The following GRIA2 variants were observed in gnomAD, a reference collection of about 807,000 sequenced individuals.
The protein encoded by GRIA2 is glutamate receptor 2.
GRIA2 carries 14 observed loss-of-function variants against 97.3 expected under a neutral mutation model. The observed-to-expected ratio is 0.14, with a 90% CI of 0.10 to 0.23. The LOEUF (loss-of-function observed/expected upper bound fraction) is 0.23. Ranked by LOEUF, GRIA2 falls within the 10% of genes least tolerant of loss-of-function variation. GRIA2 has a pLI of 1.00. For missense variants in GRIA2, 558 were observed against 1,069.8 expected (o/e 0.52, Z 6.67); for synonymous variants, 412 against 387.8 (o/e 1.06, Z -0.73).
chr4:157,336,778 A>G (rs200904298), intron 11 of GRIA2, 31 bp downstream of exon 11: 5 of 1,587,472 alleles, frequency 3.1e-6, no homozygotes, highest in Non-Finnish European at 4.3e-6. Context: ...AACTTTGTGC[A>G]TTTCAGGTCT....
chr4:157,327,437 C>A (rs1245563883), intron 6 of GRIA2, among the ~76,000 whole-genome samples: 1 of 152,012 alleles, frequency 6.6e-6, no homozygotes, highest in South Asian at 2.1e-4. Context: ...TCTGACCTGA[C>A]CCATCATAGC....
At chr4:157,325,671 G>A (rs777169274) in intron 6 of GRIA2, among the ~76,000 whole-genome samples, 7 of 152,122 alleles carry the variant, frequency 4.6e-5, no homozygotes, top group Non-Finnish European at 8.8e-5. Flanking sequence ...TCTTATCCCA[G>A]TTGATGGCAA....
chr4:157,297,880 T>C (rs1039481456), intron 2 of GRIA2, among the ~76,000 whole-genome samples: 7 of 151,982 alleles, frequency 4.6e-5, no homozygotes, highest in Non-Finnish European at 1.0e-4. Context: ...TACAAAATAA[T>C]CATGAAAATA....
intron 12 of GRIA2, among the ~76,000 whole-genome samples, chr4:157,346,953 G>A (rs1432573965): frequency 6.6e-6 from 1 of 152,030 alleles, no homozygotes; most frequent in African/African-American, 2.4e-5. Context: ...AATTGAAAAA[G>A]CATCCTAAAT....
intron 2 of GRIA2, among the ~76,000 whole-genome samples, chr4:157,299,621 A>C (rs1390627348): frequency 6.6e-6 from 1 of 152,146 alleles, no homozygotes; most frequent in African/African-American, 2.4e-5. Flanking sequence ...TAAGAGAAAA[A>C]GATGTGTTGG....
At chr4:157,282,259 G>A (rs1253396869) in intron 2 of GRIA2, among the ~76,000 whole-genome samples, 2 of 152,092 alleles carry the variant, frequency 1.3e-5, no homozygotes, top group Admixed American at 6.6e-5. Flanking sequence ...AGCCAATGCA[G>A]AAGGCAAGTA....
chr4:157,342,673 T>C (rs529577265), intron 12 of GRIA2, among the ~76,000 whole-genome samples: 1 of 152,240 alleles, frequency 6.6e-6, no homozygotes, highest in African/African-American at 2.4e-5. Context: ...AAAGCATTTT[T>C]AATATTTGTA....
intron 6 of GRIA2, among the ~76,000 whole-genome samples, chr4:157,324,776 T>C (rs1212191368): frequency 6.6e-6 from 1 of 152,150 alleles, no homozygotes; most frequent in Admixed American, 6.5e-5. Flanking sequence ...GCTTTCATAA[T>C]TATTTTTGCT....
chr4:157,315,464 C>T (rs1734270665), intron 4 of GRIA2, among the ~76,000 whole-genome samples: 2 of 150,174 alleles, frequency 1.3e-5, no homozygotes, highest in African/African-American at 2.4e-5. Flanking sequence ...CTTATTGCAA[C>T]AGTAGCTTGA....
At chr4:157,264,697 T>C (rs994381996) in intron 2 of GRIA2, among the ~76,000 whole-genome samples, 3 of 152,032 alleles carry the variant, frequency 2.0e-5, no homozygotes, top group Non-Finnish European at 4.4e-5. Flanking sequence ...AATAAGAAGA[T>C]GGAAAAGTAA....
In GRIA2 at chr4:157,309,601, C is replaced by T. The variant is rs1039963891; in HGVS notation, c.470-3078C>T. ...TCCTGATCTCAAGTGATCTGCCCAC[C>T]GCACCTGGCGCAAGTTAGGCATTTC... On this transcript the variant is annotated intron_variant, in intron 3 of 15. Coordinates refer to ENST00000264426, the MANE Select transcript of GRIA2 (RefSeq NM_001083619.3). Among the ~76,000 whole-genome samples, 4 of 152,124 alleles carry T rather than the reference C, an allele frequency of 2.6e-5. No individual in the cohort carries two copies. In the South Asian group the frequency reaches 6.2e-4, roughly 24 times the overall value.
At chr4:157,314,374 A>T (rs1306994890) in intron 4 of GRIA2, among the ~76,000 whole-genome samples, 1 of 152,246 alleles carries the variant, frequency 6.6e-6, no homozygotes, top group East Asian at 1.9e-4. Context: ...TTCATGGAAT[A>T]TTGAATAACT....
At chr4:157,259,772 A>T (rs1731444306) in intron 2 of GRIA2, among the ~76,000 whole-genome samples, 1 of 152,104 alleles carries the variant, frequency 6.6e-6, no homozygotes, top group African/African-American at 2.4e-5. Context: ...TCCAATTGTC[A>T]CTTAGACTTG....
At chr4:157,244,958 C>A (rs1010738695) in intron 2 of GRIA2, among the ~76,000 whole-genome samples, 1 of 151,886 alleles carries the variant, frequency 6.6e-6, no homozygotes. Context: ...ATTTGCTCAT[C>A]TTCTGATTGT....
intron 12 of GRIA2, among the ~76,000 whole-genome samples, chr4:157,352,071 G>A (rs565082347): frequency 7.9e-4 from 121 of 152,222 alleles, no homozygotes; most frequent in African/African-American, 2.8e-3. Context: ...AAAATGCTGC[G>A]ACAGCCTCTA....
At chr4:157,363,140 G>T (rs1736710849) in intron 15 of GRIA2, 93 bp downstream of exon 15, 1 of 1,272,054 alleles carries the variant, frequency 7.9e-7, no homozygotes, top group Non-Finnish European at 1.1e-6. Context: ...GTGGCCAATG[G>T]ATCATCCTGT....
Position 157,221,018 on chromosome 4 carries a change from T to G in GRIA2, c.-25T>G. 8.4e-7 allele frequency: 1 copy of G among 1,193,608 alleles called. No homozygotes were observed. Among genetic ancestry groups the G allele is most frequent in the Non-Finnish European group, 1.3e-6 (1 of 796,092 alleles). The allele number at this position is 1,193,608 out of a possible 1,614,324, so 73.9% of individuals were successfully genotyped here. A position where few individuals can be genotyped will look rare whatever the true frequency, so the allele number is the denominator to read the frequency against. Reference sequence around the variant, plus strand: ...GAAAAGGAAAAAAAAAGGGGTATATTGTGGATGCTCTACTTTTCTTGGAAA... The same window carrying G: ...GAAAAGGAAAAAAAAAGGGGTATATGGTGGATGCTCTACTTTTCTTGGAAA... On this transcript the variant is annotated 5_prime_UTR_variant, in exon 1 of 16. The change creates a new upstream start codon in the 5' untranslated region. Transcript: ENST00000264426.
intron 2 of GRIA2, among the ~76,000 whole-genome samples, chr4:157,229,180 T>G (rs1050038499): frequency 6.6e-6 from 1 of 152,234 alleles, no homozygotes; most frequent in African/African-American, 2.4e-5. Context: ...CTATTTGCAT[T>G]AATTTGTGCA....
intron 2 of GRIA2, among the ~76,000 whole-genome samples, chr4:157,241,802 C>T (rs1730523757): frequency 6.6e-6 from 1 of 151,866 alleles, no homozygotes; most frequent in Non-Finnish European, 1.5e-5. Flanking sequence ...TTTTGAAAAC[C>T]ATAGAGCATC....
Sources: allele counts gnomAD v4.1 joint callset (sites outside exome capture counted in the v4.1 genomes callset), GRCh38; gene constraint gnomAD v4.1.1; transcripts MANE v1.5; gene names NCBI Gene and HGNC (gene_info 2026-07-23, HGNC 2026-07-21).